DSTN: variants seen among roughly 807,000 people sequenced by gnomAD.
DSTN encodes destrin, actin depolymerizing factor.
DSTN carries 10 observed loss-of-function variants against 16.8 expected under a neutral mutation model. That is an observed-to-expected ratio of 0.60 (90% CI 0.37 to 1.01). The LOEUF (loss-of-function observed/expected upper bound fraction) is 1.01. DSTN is among the 50% of genes least tolerant of loss of function. DSTN has a pLI of 0.01. For missense variants in DSTN, 141 were observed against 196.7 expected, an observed-to-expected ratio of 0.72 and a Z score of 1.69; for synonymous variants, 57 against 58.9, an observed-to-expected ratio of 0.97 and a Z score of 0.14.
At chr20:17,570,595 C>A in intron 1 of DSTN, among the ~76,000 whole-genome samples, 1 of 151,956 alleles carries the variant, frequency 6.6e-6, no homozygotes, top group East Asian at 1.9e-4. Flanking sequence ...GGGCGGGGGG[C>A]GTCGGAATCC....
At chr20:17,595,360 G>GT (rs941272109) in intron 1 of DSTN, among the ~76,000 whole-genome samples, 2 of 152,108 alleles carry the variant, frequency 1.3e-5, no homozygotes, top group African/African-American at 4.8e-5. Flanking sequence ...TTTTGGCAGT[G>GT]TATCTTCCTT....
intron 1 of DSTN, among the ~76,000 whole-genome samples, chr20:17,588,422 G>A (rs557566121): frequency 1.9e-4 from 29 of 152,240 alleles, no homozygotes; most frequent in South Asian, 8.3e-4. Flanking sequence ...TCTCAGGACC[G>A]CCTAAGGCTA....
chr20:17,599,929 T>C (rs1391483323), intron 1 of DSTN: 2 of 152,218 alleles, frequency 1.3e-5, no homozygotes, highest in Non-Finnish European at 2.9e-5. Context: ...AACAAAGTAG[T>C]TAATGAGGCA....
At chr20:17,605,636 T>C (rs913921656) in intron 3 of DSTN, among the ~76,000 whole-genome samples, 17 of 152,198 alleles carry the variant, frequency 1.1e-4, no homozygotes, top group African/African-American at 4.1e-4. Context: ...GGTTTGATGT[T>C]TGGCAACCCC....
chr20:17,584,533 TC>T (rs2035385099), intron 1 of DSTN, among the ~76,000 whole-genome samples: 1 of 151,722 alleles, frequency 6.6e-6, no homozygotes, highest in South Asian at 2.1e-4. Context: ...ATGCCTGTAA[TC>T]CCAGCTACTC....
chr20:17,579,046 G>A (rs1180679791), intron 1 of DSTN, among the ~76,000 whole-genome samples: 2 of 150,808 alleles, frequency 1.3e-5, no homozygotes, highest in East Asian at 3.9e-4. Context: ...AACCCTTATA[G>A]CAGTTCATTG....
chr20:17,589,127 T>A (rs544568789), intron 1 of DSTN, among the ~76,000 whole-genome samples: 1 of 152,160 alleles, frequency 6.6e-6, no homozygotes, highest in Non-Finnish European at 1.5e-5. Flanking sequence ...GGTGGACTTA[T>A]GTTCTTTTTC....
chr20:17,597,552 A>G (rs1325163665), intron 1 of DSTN, among the ~76,000 whole-genome samples: 1 of 152,200 alleles, frequency 6.6e-6, no homozygotes, highest in East Asian at 1.9e-4. Flanking sequence ...CTTTTAGGGT[A>G]TCCATCACCC....
At chr20:17,584,823 GC>G (rs1376708476) in intron 1 of DSTN, among the ~76,000 whole-genome samples, 2 of 152,124 alleles carry the variant, frequency 1.3e-5, no homozygotes, top group African/African-American at 4.8e-5. Context: ...TTTATATCCA[GC>G]TTCTTCATTC....
intron 1 of DSTN, chr20:17,596,862 G>T (rs778629384): frequency 1.1e-6 from 1 of 927,778 alleles, no homozygotes; most frequent in Non-Finnish European, 1.3e-6. Context: ...CTTTGTTTTT[G>T]ATTACTAGTA....
Position 17,607,995 on chromosome 20 carries a change from A to G in DSTN, c.*849A>G, listed in dbSNP as rs559768620. On this transcript the variant is annotated 3_prime_UTR_variant, in exon 4 of 4. Coordinates refer to ENST00000246069, the MANE Select transcript of DSTN (RefSeq NM_006870.4). ...TTCTTATGGTATAATAAAGTATGGA[A>G]GAATATTGAGTATATGTTTACTCTG... 1.3e-5 allele frequency: 2 copies of G among 152,344 alleles called. No homozygotes were observed. The highest frequency in any genetic ancestry group is 4.1e-4 in the South Asian group (2 of 4,828). 9.4% of individuals were successfully genotyped at this position (152,344 alleles called of 1,614,324 possible).
intron 1 of DSTN, among the ~76,000 whole-genome samples, chr20:17,582,128 G>T (rs754092957): frequency 2.0e-5 from 3 of 148,674 alleles, no homozygotes; most frequent in Admixed American, 1.4e-4. Context: ...GCCCAGGCTG[G>T]AGTGCAATAG....
At chr20:17,574,008 T>A (rs2035238101) in intron 1 of DSTN, among the ~76,000 whole-genome samples, 1 of 152,026 alleles carries the variant, frequency 6.6e-6, no homozygotes, top group African/African-American at 2.4e-5. Flanking sequence ...GAGACCAGCC[T>A]GGACAATATA....
At chr20:17,605,901 G>A (rs910043773) in intron 3 of DSTN, among the ~76,000 whole-genome samples, 1 of 151,840 alleles carries the variant, frequency 6.6e-6, no homozygotes, top group Non-Finnish European at 1.5e-5. Flanking sequence ...TCAGGAGTTC[G>A]AGACCAGCCT....
Position 17,608,707 on chromosome 20 carries a change from AGT to A in DSTN, c.*1564_*1565del, listed in dbSNP as rs2035668326. Reference sequence around the variant, plus strand: ...CGTTTTCAATGTTTATTACACTATAAGTGTAATAAATATTATACAAAATTATA... The same window carrying A: ...CGTTTTCAATGTTTATTACACTATAAGTAATAAATATTATACAAAATTATA... On this transcript the variant is annotated 3_prime_UTR_variant, in exon 4 of 4. Coordinates refer to ENST00000246069, the MANE Select transcript of DSTN (RefSeq NM_006870.4). The A allele has an allele frequency of 6.6e-6, 1 of 152,106 alleles. No homozygotes were observed. The highest frequency in any genetic ancestry group is 1.5e-5 in the Non-Finnish European group (1 of 68,026). The allele number at this position is 152,106 out of a possible 1,614,324, so 9.4% of individuals were successfully genotyped here.
At chr20:17,606,438 CAGCT>C (rs1361665968) in intron 3 of DSTN, among the ~76,000 whole-genome samples, 1 of 152,160 alleles carries the variant, frequency 6.6e-6, no homozygotes, top group Non-Finnish European at 1.5e-5. Flanking sequence ...ATTGAAGAGC[CAGCT>C]GTTTACTTTT....
intron 1 of DSTN, among the ~76,000 whole-genome samples, chr20:17,594,924 T>C (rs1240670027): frequency 6.6e-6 from 1 of 152,192 alleles, no homozygotes; most frequent in African/African-American, 2.4e-5. Flanking sequence ...GCTTGTTTTT[T>C]ATTTTAGACA....
At position 17,605,870 on chromosome 20, in the gene DSTN, A is replaced by G. The variant is rs142851140; in HGVS notation, c.389-1167A>G. On this transcript the variant is annotated intron_variant, in intron 3 of 3. Transcript: ENST00000246069. ...GTAATCCCAGCACTTTGGGAGGCTA[A>G]GACAGGTGGATCACCTGAGGTCAGG... Among the ~76,000 whole-genome samples, 1,203 of 152,240 alleles carry G rather than the reference A, an allele frequency of 7.9e-3. 16 individuals are homozygous for G. Among genetic ancestry groups the G allele is most frequent in the African/African-American group, 0.028 (1,153 of 41,544 alleles).
chr20:17,607,142 T>C lies in DSTN; in HGVS notation c.494T>C (p.Val165Ala). 1 of 1,611,714 alleles carries C rather than the reference T, an allele frequency of 6.2e-7. No homozygotes were observed. The highest frequency in any genetic ancestry group is 8.5e-7 in the Non-Finnish European group (1 of 1,179,630). ...ATTGTAGCCTTTGAAGGATGCCCTG[T>C]GTAGATTATTCAGTGCCACAAATTG... is the stretch of plus-strand genomic sequence containing the variant. ...SLIVAFEGCP[V>A] The change falls in exon 4 of 4, where the codon GTG becomes GCG. Residue 165 changes from valine (V) to alanine (A), a missense_variant. By Grantham distance (64) the Val-to-Ala change is moderately conservative (BLOSUM62 0). Coordinates refer to ENST00000246069, the MANE Select transcript of DSTN (RefSeq NM_006870.4).
Sources: gnomAD v4.1 joint callset for allele counts (sites outside exome capture counted in the v4.1 genomes callset) on GRCh38, gnomAD v4.1.1 for gene constraint, MANE v1.5 for transcripts, NCBI Gene and HGNC (gene_info 2026-07-23, HGNC 2026-07-21) for gene names.